The following STS variants were observed in gnomAD, a reference collection of about 807,000 sequenced individuals.
The protein encoded by STS is steryl-sulfatase.
A neutral mutation model predicts 26.8 loss-of-function variants in STS; 7 were observed. The observed-to-expected ratio is 0.26, with a 90% CI of 0.15 to 0.49. The LOEUF (loss-of-function observed/expected upper bound fraction) is 0.49. Among genes scored for constraint, STS ranks in the 20% least tolerant of loss-of-function variants. The pLI, the probability that STS is intolerant of heterozygous loss-of-function variation, is 0.98. For missense variants in STS, 434 were observed against 465.6 expected (o/e 0.93, Z 0.63); for synonymous variants, 199 against 189.4 (o/e 1.05, Z -0.42).
At chrX:7,273,997 T>C (rs1396469582) in intron 6 of STS, among the ~76,000 whole-genome samples, 1 of 110,743 alleles carries the variant, frequency 9.0e-6, no homozygotes, top group African/African-American at 3.3e-5. Context: ...TTCTGAACAA[T>C]GACTGCTTGC....
At chrX:7,284,855 A>G (rs1925047593) in intron 7 of STS, among the ~76,000 whole-genome samples, 1 of 112,121 alleles carries the variant, frequency 8.9e-6, no homozygotes, top group Admixed American at 9.5e-5. Flanking sequence ...ATTGTAGTTA[A>G]TTCACTACTG....
At chrX:7,333,940 A>T (rs754063791) in intron 9 of STS, 46 bp from the exon 10 acceptor site, 1 of 1,210,274 alleles carries the variant, frequency 8.3e-7, no homozygotes, top group Non-Finnish European at 1.1e-6. Context: ...ACATTTGAGA[A>T]CACAGGACTG....
rs1229544796 is a variant in STS at position 7,350,536 on chromosome X, G to A, written c.*275G>A. The A allele has an allele frequency of 2.7e-6, 1 of 368,678 alleles. No homozygotes were observed. The highest frequency in any genetic ancestry group is 4.7e-6 in the Non-Finnish European group (1 of 212,477). 30.4% of individuals were successfully genotyped at this position (368,678 alleles called of 1,213,427 possible). ...TCATGGAAATAGAATGAATAGAGGG[G>A]CATTCACAAGGCACACCAGTGCAAG... On this transcript the variant is annotated 3_prime_UTR_variant, in exon 11 of 11. Transcript: ENST00000674429.
At chrX:7,152,045 C>T (rs1007072505) in intron 1 of STS, among the ~76,000 whole-genome samples, 5 of 111,143 alleles carry the variant, frequency 4.5e-5, no homozygotes, top group Admixed American at 1.9e-4. Flanking sequence ...CTCCGCCTCT[C>T]GGGTTCACGC....
chrX:7,247,428 C>T (rs1248629378), intron 2 of STS, among the ~76,000 whole-genome samples: 1 of 111,873 alleles, frequency 8.9e-6, no homozygotes, highest in African/African-American at 3.3e-5. Context: ...CACATTTACT[C>T]TGTCTTCTTT....
intron 6 of STS, among the ~76,000 whole-genome samples, chrX:7,273,534 TAGAA>T (rs1439174251): frequency 8.9e-6 from 1 of 111,779 alleles, no homozygotes; most frequent in Non-Finnish European, 1.9e-5. Context: ...ACCCCACACT[TAGAA>T]AGAAGGAACG....
At chrX:7,173,250 C>A (rs1933502191) in intron 1 of STS, among the ~76,000 whole-genome samples, 1 of 111,544 alleles carries the variant, frequency 9.0e-6, no homozygotes, top group Non-Finnish European at 1.9e-5. Flanking sequence ...TCATCCATGT[C>A]CCTGCAAAGG....
At chrX:7,208,103 A>G (rs770406573) in intron 2 of STS, among the ~76,000 whole-genome samples, 1 of 112,806 alleles carries the variant, frequency 8.9e-6, no homozygotes, top group Non-Finnish European at 1.9e-5. Context: ...GGTGATACAA[A>G]GCAATAGCAT....
chrX:7,331,558 A>AAAGCAGTG (rs1179376175), intron 9 of STS, among the ~76,000 whole-genome samples: 1 of 111,703 alleles, frequency 9.0e-6, no homozygotes, highest in Non-Finnish European at 1.9e-5. Context: ...GCTTTGAGTC[A>AAAGCAGTG]CTTTGAAAGT....
intron 10 of STS, among the ~76,000 whole-genome samples, chrX:7,345,997 A>T (rs1928506710): frequency 9.0e-6 from 1 of 111,277 alleles, no homozygotes; most frequent in Admixed American, 9.5e-5. Context: ...AGAAATCACA[A>T]CGTCTCTTCT....
At chrX:7,295,833 C>T (rs1313845634) in intron 7 of STS, among the ~76,000 whole-genome samples, 1 of 111,449 alleles carries the variant, frequency 9.0e-6, no homozygotes, top group Non-Finnish European at 1.9e-5. Context: ...ATGAGTTTAC[C>T]AAGGCATTAA....
At chrX:7,336,119 A>G (rs952705288) in intron 10 of STS, among the ~76,000 whole-genome samples, 2 of 111,323 alleles carry the variant, frequency 1.8e-5, no homozygotes, top group Non-Finnish European at 3.8e-5. Flanking sequence ...AATTTACACA[A>G]TTATTGTATG....
In STS at chrX:7,148,008, A is replaced by C; in HGVS notation, c.-209A>C. 1 of 1,055,588 alleles carries C rather than the reference A, an allele frequency of 9.5e-7. No homozygotes were observed. The highest frequency in any genetic ancestry group is 1.3e-6 in the Non-Finnish European group (1 of 784,792). The allele number at this position is 1,055,588 out of a possible 1,213,427, so 87.0% of individuals were successfully genotyped here. ...CCCCGCGCCGACCGTCCCCACGCCC[A>C]CACAAGACCGCCCTTACTGGAGGCG... On this transcript the variant is annotated 5_prime_UTR_variant, in exon 1 of 11. Coordinates refer to ENST00000674429, the MANE Select transcript of STS (RefSeq NM_001320752.2).
chrX:7,202,488 C>T (rs1474481940), intron 2 of STS, among the ~76,000 whole-genome samples: 1 of 111,999 alleles, frequency 8.9e-6, no homozygotes, highest in Non-Finnish European at 1.9e-5. Flanking sequence ...TTGACCTCCT[C>T]TTCCGGGGAA....
intron 2 of STS, among the ~76,000 whole-genome samples, chrX:7,200,990 TAGAC>T (rs1334104217): frequency 2.0e-5 from 2 of 100,366 alleles, no homozygotes; most frequent in African/African-American, 7.3e-5. Flanking sequence ...GGATGGATGA[TAGAC>T]AGATACGTAG....
intron 7 of STS, among the ~76,000 whole-genome samples, chrX:7,282,375 A>AT (rs1449062532): frequency 1.8e-5 from 2 of 111,434 alleles, no homozygotes; most frequent in Non-Finnish European, 3.8e-5. Context: ...TAATAATTTT[A>AT]TTTTTTGTAG....
At position 7,353,884 on chromosome X, in the gene STS, T is replaced by C. The variant is rs1928900262; in HGVS notation, c.*3623T>C. 1 of 111,636 alleles carries C rather than the reference T, an allele frequency of 9.0e-6. No individual in the cohort carries two copies. Among genetic ancestry groups the C allele is most frequent in the South Asian group, 3.8e-4 (1 of 2,647 alleles). The allele number at this position is 111,636 out of a possible 1,213,427, so 9.2% of individuals were successfully genotyped here. Reference sequence around the variant, plus strand: ...TGCCTTCTCTTTAATGCCTAGAGAATGGGATGTGTGATGCAAATGCTCAAA... The same window carrying C: ...TGCCTTCTCTTTAATGCCTAGAGAACGGGATGTGTGATGCAAATGCTCAAA... On this transcript the variant is annotated 3_prime_UTR_variant, in exon 11 of 11. Coordinates refer to ENST00000674429, the MANE Select transcript of STS (RefSeq NM_001320752.2).
At chrX:7,285,638 A>G (rs1925093467) in intron 7 of STS, among the ~76,000 whole-genome samples, 1 of 112,238 alleles carries the variant, frequency 8.9e-6, no homozygotes, top group Admixed American at 9.5e-5. Context: ...AATTTATTGT[A>G]TCAGTTCATT....
chrX:7,265,315 G>A (rs1479233259), intron 6 of STS, among the ~76,000 whole-genome samples: 5 of 111,915 alleles, frequency 4.5e-5, no homozygotes, highest in African/African-American at 6.5e-5. Context: ...TTAATACAGC[G>A]TCCATTATAC....
Sources: gnomAD v4.1 joint callset for allele counts (sites outside exome capture counted in the v4.1 genomes callset) on GRCh38, gnomAD v4.1.1 for gene constraint, MANE v1.5 for transcripts, NCBI Gene and HGNC (gene_info 2026-07-23, HGNC 2026-07-21) for gene names.